The following SLC25A30 variants were observed in gnomAD, a reference collection of about 807,000 sequenced individuals.
The protein encoded by SLC25A30 is solute carrier family 25 member 30.
In SLC25A30, 29 loss-of-function variants were observed where a neutral mutation model predicts 42.7. The ratio of observed to expected loss-of-function variants is 0.68; its 90% CI spans 0.51 to 0.93. SLC25A30 has a LOEUF of 0.93. SLC25A30 is among the 40% of genes least tolerant of loss of function. SLC25A30 has a pLI of 0.00. For missense variants in SLC25A30, 300 were observed against 359.7 expected, an observed-to-expected ratio of 0.83 and a Z score of 1.34; for synonymous variants, 124 against 131.0, an observed-to-expected ratio of 0.95 and a Z score of 0.37.
At chr13:45,415,046 C>T (rs1883403737) in intron 1 of SLC25A30, among the ~76,000 whole-genome samples, 1 of 152,248 alleles carries the variant, frequency 6.6e-6, no homozygotes, top group African/African-American at 2.4e-5. Context: ...TTTGACAGTC[C>T]TCTTACAGCC....
At position 45,401,116 on chromosome 13, in the gene SLC25A30, C is replaced by T. The variant is rs777230840; in HGVS notation, c.581G>A (p.Gly194Asp). The change falls in exon 7 of 10, where the codon GGC becomes GAC. Residue 194 changes from glycine to aspartate, a missense_variant. Physicochemically the swap from Gly to Asp is moderately conservative, Grantham distance 94 (BLOSUM62 -1). Coordinates refer to ENST00000519676, the MANE Select transcript of SLC25A30 (RefSeq NM_001010875.4). ...GGTATACACAGTGTCTCCCATCAGG[C>T]CTGAGAGAATAAGATGCTTCTTGGT... ...DITKKHLILS[G>D]LMGDTVYTHF... The T allele has an allele frequency of 1.9e-6, 3 of 1,613,942 alleles. No individual in the cohort carries two copies. Among genetic ancestry groups the T allele is most frequent in the Non-Finnish European group, 2.5e-6 (3 of 1,179,908 alleles).
chr13:45,402,269 G>C lies in SLC25A30; in HGVS notation c.489+6C>G, dbSNP rs747271337. On this transcript the variant is annotated splice_donor_region_variant and intron_variant, in intron 6 of 9. Transcript: ENST00000519676. ...TAAATCAGTTCGATCCATCCTTCTG[G>C]CTTACCTTCCACAGTCCTCTTGTCC... The C allele has an allele frequency of 1.2e-6, 2 of 1,605,450 alleles. No homozygotes were observed. Among genetic ancestry groups the C allele is most frequent in the Non-Finnish European group, 1.7e-6 (2 of 1,172,574 alleles).
chr13:45,426,060 A>G, the SLC25A30 span, among the ~76,000 whole-genome samples: 2 of 147,708 alleles, frequency 1.4e-5, no homozygotes, highest in Admixed American at 1.4e-4. Context: ...TACATTTTAA[A>G]TATATATATA....
upstream of SLC25A30, among the ~76,000 whole-genome samples, chr13:45,422,509 C>T (rs1050970483): frequency 5.3e-5 from 8 of 152,084 alleles, no homozygotes; most frequent in Non-Finnish European, 7.3e-5. Flanking sequence ...TTTATTGCAG[C>T]GGTTCTCAAT....
intron 1 of SLC25A30, among the ~76,000 whole-genome samples, chr13:45,417,542 CG>C (rs746782200): frequency 4.6e-5 from 7 of 152,082 alleles, no homozygotes; most frequent in Non-Finnish European, 8.8e-5. Flanking sequence ...TACAAAAAGC[CG>C]GGTTTAAAAG....
chr13:45,407,923 C>T (rs1336529769), intron 3 of SLC25A30, among the ~76,000 whole-genome samples: 1 of 152,198 alleles, frequency 6.6e-6, no homozygotes, highest in Non-Finnish European at 1.5e-5. Context: ...TCTTTTTCCT[C>T]ATCCCCAAAA....
chr13:45,427,496 T>A, the SLC25A30 span, among the ~76,000 whole-genome samples: 2 of 152,108 alleles, frequency 1.3e-5, no homozygotes, highest in Non-Finnish European at 1.5e-5. Context: ...TTCCATTGAC[T>A]TCCCCTGAAA....
At chr13:45,413,999 G>C (rs1452527410) in intron 1 of SLC25A30, among the ~76,000 whole-genome samples, 1 of 152,178 alleles carries the variant, frequency 6.6e-6, no homozygotes, top group Non-Finnish European at 1.5e-5. Context: ...TGATGGAATT[G>C]CTTCTTCATA....
Position 45,393,956 on chromosome 13 carries a change from TTGTA to T in SLC25A30, c.*2014_*2017del. On this transcript the variant is annotated 3_prime_UTR_variant, in exon 10 of 10. Transcript: ENST00000519676. The stretch of plus-strand genomic sequence containing the variant: ...GAATTTGCTTCTACTGTTTTAAAAA[TTGTA>T]TGCATATTTGAAAAAGTAAAATTTT... The T allele has an allele frequency of 7.3e-5, 72 of 984,982 alleles. No homozygotes were observed. Among genetic ancestry groups the T allele is most frequent in the Non-Finnish European group, 8.6e-5 (71 of 829,552 alleles). The allele number at this position is 984,982 out of a possible 1,614,324, so 61.0% of individuals were successfully genotyped here. A position where few individuals can be genotyped will look rare whatever the true frequency, so the allele number is the denominator to read the frequency against.
At chr13:45,400,544 T>C (rs1336399372) in intron 7 of SLC25A30, among the ~76,000 whole-genome samples, 1 of 152,220 alleles carries the variant, frequency 6.6e-6, no homozygotes, top group Non-Finnish European at 1.5e-5. Flanking sequence ...TTGCCCAGGC[T>C]AGGGTTCCGT....
the SLC25A30 span, among the ~76,000 whole-genome samples, chr13:45,427,170 C>G: frequency 4.6e-5 from 7 of 152,056 alleles, no homozygotes; most frequent in African/African-American, 1.7e-4. Context: ...TCCCAAAACA[C>G]GGTGCTTTGA....
chr13:45,423,912 T>C, the SLC25A30 span, among the ~76,000 whole-genome samples: 3 of 86,260 alleles, frequency 3.5e-5, no homozygotes, highest in Admixed American at 6.3e-4. Context: ...TAAGAATATA[T>C]AAAAATATAT....
chr13:45,394,881 A>C lies in SLC25A30; in HGVS notation c.*1093T>G. On this transcript the variant is annotated 3_prime_UTR_variant, in exon 10 of 10. Coordinates refer to ENST00000519676, the MANE Select transcript of SLC25A30 (RefSeq NM_001010875.4). ...CCAAGACAGGCACAACATAAACTAA[A>C]GTAAAAACTGGAAACCTGGAAAAAT... 1 of 985,470 alleles carries C rather than the reference A, an allele frequency of 1.0e-6. No homozygotes were observed. 61.0% of individuals were successfully genotyped at this position (985,470 alleles called of 1,614,324 possible). A position where few individuals can be genotyped will look rare whatever the true frequency, so the allele number is the denominator to read the frequency against.
At chr13:45,412,032 A>C (rs978707260) in intron 1 of SLC25A30, 1 of 150,736 alleles carries the variant, frequency 6.6e-6, no homozygotes, top group African/African-American at 2.4e-5. Flanking sequence ...GGTGGGGATC[A>C]CATCCCTCAG....
the SLC25A30 span, among the ~76,000 whole-genome samples, chr13:45,423,675 T>TAAAAAAA: frequency 8.8e-4 from 4 of 4,566 alleles, no homozygotes; most frequent in African/African-American, 2.8e-3. Flanking sequence ...ATAAAATACA[T>TAAAAAAA]ATTTATATAA....
Position 45,396,461 on chromosome 13 carries a change from C to G in SLC25A30, c.835-446G>C, listed in dbSNP as rs552991574. 1.9e-3 allele frequency: 1,059 copies of G among 570,380 alleles called. 3 individuals carry two copies. Among genetic ancestry groups the G allele is most frequent in the Non-Finnish European group, 2.2e-3 (966 of 438,762 alleles). 35.3% of individuals were successfully genotyped at this position (570,380 alleles called of 1,614,324 possible). A position where few individuals can be genotyped will look rare whatever the true frequency, so the allele number is the denominator to read the frequency against. ...GCAAAAGCCAGCATTCCTGCTTCAT[C>G]ACTCTGCCCTTCAGTGTCTAATTAA... On this transcript the variant is annotated intron_variant, in intron 9 of 9. Transcript: ENST00000519676.
intron 6 of SLC25A30, 122 bp downstream of exon 6, chr13:45,402,153 A>G: frequency 1.6e-6 from 1 of 624,986 alleles, no homozygotes; most frequent in Non-Finnish European, 2.8e-6. Flanking sequence ...TGGGCAGAAG[A>G]TGCCACTCCT....
chr13:45,402,741 T>C, intron 5 of SLC25A30: 1 of 981,186 alleles, frequency 1.0e-6, no homozygotes, highest in Non-Finnish European at 1.2e-6. Context: ...ATCTAATTAA[T>C]GAGTTATCCA....
At chr13:45,424,147 AAG>A in the SLC25A30 span, among the ~76,000 whole-genome samples, 10 of 46,874 alleles carry the variant, frequency 2.1e-4, no homozygotes, top group African/African-American at 9.5e-4. Context: ...ATATAAATAT[AAG>A]TATATATATA....
Sources: gnomAD v4.1 joint callset for allele counts (sites outside exome capture counted in the v4.1 genomes callset) on GRCh38, gnomAD v4.1.1 for gene constraint, MANE v1.5 for transcripts, NCBI Gene and HGNC (gene_info 2026-07-23, HGNC 2026-07-21) for gene names.